Variants in KIT observed in about 807,000 individuals in gnomAD.
KIT encodes KIT proto-oncogene, receptor tyrosine kinase, also known as mast/stem cell growth factor receptor Kit.
A neutral mutation model predicts 105.7 loss-of-function variants in KIT; 16 were observed. That is an observed-to-expected ratio of 0.15 (90% confidence interval 0.10 to 0.23). KIT has a LOEUF of 0.23. Among genes scored for constraint, KIT ranks in the 10% least tolerant of loss-of-function variants. KIT has a pLI of 1.00. For missense variants in KIT, 858 were observed against 1,213.8 expected (o/e 0.71, Z 4.36); for synonymous variants, 438 against 441.1 (o/e 0.99, Z 0.09).
At chr4:54,701,648 A>G (rs1014059091) in intron 4 of KIT, among the ~76,000 whole-genome samples, 1 of 152,110 alleles carries the variant, frequency 6.6e-6, no homozygotes, top group African/African-American at 2.4e-5. Flanking sequence ...TGACTGCACT[A>G]TTCCTTTCAG....
At chr4:54,712,075 A>C (rs1374345806) in intron 7 of KIT, among the ~76,000 whole-genome samples, 4 of 152,170 alleles carry the variant, frequency 2.6e-5, no homozygotes, top group Non-Finnish European at 5.9e-5. Flanking sequence ...TAATATGCAT[A>C]TTGTTCATAC....
intron 7 of KIT, among the ~76,000 whole-genome samples, chr4:54,717,300 C>T (rs1721568107): frequency 6.6e-6 from 1 of 152,192 alleles, no homozygotes. Flanking sequence ...TTTCCCTCCT[C>T]AAAGGCTGGC....
At position 54,729,348 on chromosome 4, in the gene KIT, C is replaced by T. The variant is rs527840468; in HGVS notation, c.2004C>T (p.Val668=). 1 of 1,613,590 alleles carries T rather than the reference C, an allele frequency of 6.2e-7. No individual in the cohort carries two copies. The highest frequency in any genetic ancestry group is 8.5e-7 in the Non-Finnish European group (1 of 1,179,686). Residue 668 remains valine, a synonymous_variant, in exon 14 of 21, where the codon GTC becomes GTT. Coordinates refer to ENST00000288135, the MANE Select transcript of KIT (RefSeq NM_000222.3). ...ATGTGCTTTTAGGGCCCACCCTGGT[C>T]ATTACAGAATATTGTTGCTATGGTG... is the stretch of plus-strand genomic sequence containing the variant. ...GACTIGGPTL[V]ITEYCCYGDL...
intron 14 of KIT, among the ~76,000 whole-genome samples, chr4:54,730,950 CTCT>C (rs1722549823): frequency 6.6e-6 from 1 of 152,050 alleles, no homozygotes; most frequent in Admixed American, 6.6e-5. Context: ...GTCTTGGAAG[CTCT>C]TCTTTGTCTT....
chr4:54,715,759 A>G (rs769868225), intron 7 of KIT, among the ~76,000 whole-genome samples: 1 of 152,158 alleles, frequency 6.6e-6, no homozygotes, highest in Non-Finnish European at 1.5e-5. Context: ...TTCAAACTGT[A>G]TCATAGACCC....
chr4:54,707,393 AAAG>A, intron 6 of KIT, 106 bp downstream of exon 6: 1 of 829,220 alleles, frequency 1.2e-6, no homozygotes, highest in Non-Finnish European at 2.0e-6. Flanking sequence ...GATACCTGGT[AAAG>A]AAGAAAGTCT....
At chr4:54,664,684 C>T (rs576681189) in intron 1 of KIT, among the ~76,000 whole-genome samples, 8 of 151,666 alleles carry the variant, frequency 5.3e-5, no homozygotes, top group African/African-American at 1.2e-4. Context: ...CATAGTTCAC[C>T]GCAGCCTCCA....
At chr4:54,718,006 C>T (rs976604354) in intron 7 of KIT, among the ~76,000 whole-genome samples, 2 of 152,146 alleles carry the variant, frequency 1.3e-5, no homozygotes, top group African/African-American at 4.8e-5. Flanking sequence ...AACGTAATCT[C>T]GTGATTGGGA....
intron 4 of KIT, 133 bp from the exon 5 acceptor site, chr4:54,703,591 T>C (rs1358736723): frequency 1.4e-6 from 1 of 711,838 alleles, no homozygotes; most frequent in Non-Finnish European, 2.5e-6. Flanking sequence ...TTATTATTCT[T>C]ACTTAAGTAG....
intron 1 of KIT, among the ~76,000 whole-genome samples, chr4:54,666,727 G>T (rs1182462050): frequency 6.6e-6 from 1 of 152,144 alleles, no homozygotes; most frequent in Non-Finnish European, 1.5e-5. Flanking sequence ...TGGTTTGATG[G>T]CCCTTTAAGG....
In KIT at chr4:54,726,062, T is replaced by C. The variant is rs754429523; in HGVS notation, c.1540+12T>C. The C allele has an allele frequency of 1.2e-6, 2 of 1,602,468 alleles. No homozygotes were observed. Among genetic ancestry groups the C allele is most frequent in the East Asian group, 2.2e-5 (1 of 44,826 alleles). On this transcript the variant is annotated intron_variant, in intron 9 of 20. Coordinates refer to ENST00000288135, the MANE Select transcript of KIT (RefSeq NM_000222.3). ...AGGTAACAACAAAGGTATATTTCTT[T>C]TTAATCCAATTTAAGGGGATGTTTA...
chr4:54,699,638 G>T lies in KIT; in HGVS notation c.628G>T (p.Ala210Ser). 6.2e-7 allele frequency: 1 copy of T among 1,613,976 alleles called. No individual in the cohort carries two copies. The highest frequency in any genetic ancestry group is 8.5e-7 in the Non-Finnish European group (1 of 1,179,894). The change falls in exon 4 of 21, where the codon GCT (alanine) becomes TCT (serine). Residue 210 changes from alanine (A) to serine (S), a missense_variant. By Grantham distance (99) the Ala-to-Ser change is moderately conservative. Coordinates refer to ENST00000288135, the MANE Select transcript of KIT (RefSeq NM_000222.3). ...ATTTCTTTTCATTCTAGCCTTCAAA[G>T]CTGTGCCTGTTGTGTCTGTGTCCAA... ...FILKVRPAFK[A>S]VPVVSVSKAS...
At chr4:54,706,045 T>C (rs1484001149) in intron 5 of KIT, among the ~76,000 whole-genome samples, 1 of 152,206 alleles carries the variant, frequency 6.6e-6, no homozygotes, top group Non-Finnish European at 1.5e-5. Flanking sequence ...TTTTATATTA[T>C]TATATCACCT....
chr4:54,694,352 T>C (rs1394545820), intron 1 of KIT, among the ~76,000 whole-genome samples: 1 of 152,140 alleles, frequency 6.6e-6, no homozygotes, highest in Non-Finnish European at 1.5e-5. Context: ...TTCAGTACTT[T>C]GTTCTATTGT....
chr4:54,714,475 A>T (rs1721342166), intron 7 of KIT, among the ~76,000 whole-genome samples: 1 of 152,192 alleles, frequency 6.6e-6, no homozygotes, highest in Non-Finnish European at 1.5e-5. Flanking sequence ...TGAATAAATA[A>T]CAAACTTTAT....
At chr4:54,693,007 C>T (rs1719815066) in intron 1 of KIT, among the ~76,000 whole-genome samples, 2 of 152,164 alleles carry the variant, frequency 1.3e-5, no homozygotes, top group Non-Finnish European at 2.9e-5. Flanking sequence ...CAGTCTGTCC[C>T]TACCCACAAG....
chr4:54,664,268 G>A (rs1174254876), intron 1 of KIT, among the ~76,000 whole-genome samples: 1 of 152,194 alleles, frequency 6.6e-6, no homozygotes, highest in African/African-American at 2.4e-5. Flanking sequence ...TGATGGCTGG[G>A]GGTAGGGAAT....
chr4:54,678,854 AGTT>A (rs1001452547), intron 1 of KIT, among the ~76,000 whole-genome samples: 8 of 152,220 alleles, frequency 5.3e-5, no homozygotes, highest in African/African-American at 1.7e-4. Context: ...CCAGTACACC[AGTT>A]GTTAACATTT....
At chr4:54,658,629 G>C (rs1716997108) in intron 1 of KIT, among the ~76,000 whole-genome samples, 1 of 152,062 alleles carries the variant, frequency 6.6e-6, no homozygotes, top group Non-Finnish European at 1.5e-5. Flanking sequence ...CCAGAGCTGG[G>C]GACCGACCCG....
Sources: allele counts gnomAD v4.1 joint callset (sites outside exome capture counted in the v4.1 genomes callset), GRCh38; gene constraint gnomAD v4.1.1; transcripts MANE v1.5; gene names NCBI Gene and HGNC (gene_info 2026-07-23, HGNC 2026-07-21).